Variants in ITM2C observed in about 807,000 individuals in gnomAD.
ITM2C encodes BRICHOS domain containing 2C.
In ITM2C, 20 loss-of-function variants were observed where a neutral mutation model predicts 30.0. The observed-to-expected ratio is 0.67, with a 90% confidence interval of 0.47 to 0.97. ITM2C has a LOEUF of 0.97. Among genes scored for constraint, ITM2C ranks in the 50% least tolerant of loss-of-function variants. ITM2C has a pLI of 0.00. For missense variants in ITM2C, 366 were observed against 371.9 expected (o/e 0.98, Z 0.13); for synonymous variants, 167 against 156.4 (o/e 1.07, Z -0.51).
At chr2:230,873,603 T>C (rs3816150) in intron 2 of ITM2C, 46 bp downstream of exon 2, 747,083 of 1,541,360 alleles carry the variant, frequency 0.48, 187,420 homozygotes, top group East Asian at 0.79. Flanking sequence ...GAAAGGGTCA[T>C]GTCTAGAGAG....
intron 1 of ITM2C, among the ~76,000 whole-genome samples, chr2:230,869,848 C>T (rs1697121274): frequency 1.3e-5 from 2 of 152,210 alleles, no homozygotes; most frequent in South Asian, 2.1e-4. Flanking sequence ...AGGCCTCTCT[C>T]GGGTCCCTGG....
chr2:230,865,151 A>T lies in ITM2C; in HGVS notation c.120+6A>T. The T allele has an allele frequency of 6.8e-7, 1 of 1,465,854 alleles. No homozygotes were observed. Among genetic ancestry groups the T allele is most frequent in the East Asian group, 2.8e-5 (1 of 35,372 alleles). 90.8% of individuals were successfully genotyped at this position (1,465,854 alleles called of 1,614,324 possible). A position where few individuals can be genotyped will look rare whatever the true frequency, so the allele number is the denominator to read the frequency against. ...TCCTGCTGACGCCGGCTAGGGTGAG[A>T]GGGTCTGGGGCTCAGGCGGTGGGGC... On this transcript the variant is annotated splice_donor_region_variant and intron_variant, in intron 1 of 5. Transcript: ENST00000326427. This position sits in a 1 kb window ranked among gnomAD's most constrained non-coding sequence, Gnocchi z 6.8.
chr2:230,864,861 G>T, upstream of ITM2C: 1 of 883,422 alleles, frequency 1.1e-6, no homozygotes, highest in Non-Finnish European at 1.5e-6. This position sits in a 1 kb window ranked among gnomAD's most constrained non-coding sequence, Gnocchi z 4.3. Context: ...GCGGGCGCCG[G>T]GGCCCTCCCG....
rs369991894 is a variant in ITM2C at position 230,875,603 on chromosome 2, C to T, written c.262-17C>T. On this transcript the variant is annotated splice_polypyrimidine_tract_variant and intron_variant, in intron 2 of 5. Transcript: ENST00000326427. ...CCAGCCTCTCTGACTGTCTGTCTGT[C>T]TCTCCGCCTTGCTCAGCTGGCCCGA... The T allele has an allele frequency of 2.2e-4, 346 of 1,582,140 alleles. No homozygotes were observed. Among genetic ancestry groups the T allele is most frequent in the Admixed American group, 5.1e-4 (29 of 57,102 alleles).
intron 2 of ITM2C, among the ~76,000 whole-genome samples, chr2:230,874,397 G>A (rs761374007): frequency 5.3e-5 from 8 of 151,916 alleles, no homozygotes; most frequent in Non-Finnish European, 8.8e-5. Context: ...CATGGCCTGC[G>A]TCCCCCTCGT....
rs1697324396 is a variant in ITM2C at position 230,877,202 on chromosome 2, C to T, written c.562-198C>T. On this transcript the variant is annotated intron_variant, in intron 4 of 5. Coordinates refer to ENST00000326427, the MANE Select transcript of ITM2C (RefSeq NM_030926.6). This position sits in a 1 kb window ranked among gnomAD's most constrained non-coding sequence, Gnocchi z 4.8. ...CTTCCTTAGTGTTCAAGGTTGTACC[C>T]TGGGTACGGACTCGTGCGCATGCCA... 6.6e-6 allele frequency among the ~76,000 whole-genome samples: 1 copy of T among 152,204 alleles called. No homozygotes were observed. Among genetic ancestry groups the T allele is most frequent in the Admixed American group, 6.5e-5 (1 of 15,286 alleles).
Sources: allele counts gnomAD v4.1 joint callset (sites outside exome capture counted in the v4.1 genomes callset), GRCh38; gene constraint gnomAD v4.1.1; non-coding constraint Gnocchi (gnomAD v3.1); transcripts MANE v1.5; gene names NCBI Gene and HGNC (gene_info 2026-07-23, HGNC 2026-07-21).